The following RNF19A variants were observed in gnomAD, a reference collection of about 807,000 sequenced individuals.
RNF19A encodes the protein ring finger protein 19A, RBR E3 ubiquitin protein ligase.
RNF19A carries 32 observed loss-of-function variants against 75.7 expected under a neutral mutation model. The ratio of observed to expected loss-of-function variants is 0.42; its 90% CI spans 0.32 to 0.57. The LOEUF is 0.57. Ranked by LOEUF, RNF19A falls within the 20% of genes least tolerant of loss-of-function variation. The probability of loss-of-function intolerance (pLI) is 0.10; values close to 1 mark genes in which losing one functional copy is unlikely to be tolerated. For missense variants in RNF19A, 782 were observed against 1,036.3 expected (o/e 0.75, Z 3.37); for synonymous variants, 335 against 345.2 (o/e 0.97, Z 0.33).
intron 5 of RNF19A, among the ~76,000 whole-genome samples, chr8:100,266,386 G>A (rs1194219728): frequency 6.6e-6 from 1 of 152,116 alleles, no homozygotes; most frequent in Non-Finnish European, 1.5e-5. Flanking sequence ...TGATTTATAG[G>A]TACATGTGGT....
At chr8:100,270,050 A>T in intron 3 of RNF19A, 37 bp from the exon 4 acceptor site, 1 of 1,462,986 alleles carries the variant, frequency 6.8e-7, no homozygotes, top group Non-Finnish European at 9.1e-7. Context: ...AAGTACATAA[A>T]ACTGGTCTAA....
chr8:100,272,241 A>C (rs972205736), intron 3 of RNF19A, among the ~76,000 whole-genome samples: 1 of 152,162 alleles, frequency 6.6e-6, no homozygotes, highest in Non-Finnish European at 1.5e-5. Context: ...AAAGAGCCTC[A>C]AGTGGATGCA....
At chr8:100,270,372 G>C (rs990590122) in intron 3 of RNF19A, among the ~76,000 whole-genome samples, 8 of 152,004 alleles carry the variant, frequency 5.3e-5, no homozygotes, top group Non-Finnish European at 1.0e-4. Flanking sequence ...GTAGTTCCCG[G>C]TTCCAGAACT....
At position 100,269,130 on chromosome 8, in the gene RNF19A, G is replaced by A. The variant is rs1820134720; in HGVS notation, c.1029-183C>T. 6.7e-6 allele frequency among the ~76,000 whole-genome samples: 1 copy of A among 150,374 alleles called. No individual in the cohort carries two copies. The highest frequency in any genetic ancestry group is 2.4e-5 in the African/African-American group (1 of 41,118). ...CTATAAATTATATTAACAAGATATT[G>A]ATATATCTTATTTTATATTATATTT... is the stretch of plus-strand genomic sequence containing the variant. On this transcript the variant is annotated intron_variant, in intron 4 of 9. Coordinates refer to ENST00000341084, the MANE Select transcript of RNF19A (RefSeq NM_183419.4). This position sits in a 1 kb window ranked among gnomAD's most constrained non-coding sequence, Gnocchi z 5.7.
chr8:100,293,318 T>A (rs557094474), intron 1 of RNF19A, among the ~76,000 whole-genome samples: 1 of 152,192 alleles, frequency 6.6e-6, no homozygotes, highest in African/African-American at 2.4e-5. Context: ...TCAACTTTTA[T>A]CTGGGGAAAA....
intron 2 of RNF19A, among the ~76,000 whole-genome samples, chr8:100,276,071 T>C (rs928072857): frequency 2.6e-5 from 4 of 152,208 alleles, no homozygotes; most frequent in African/African-American, 9.7e-5. Context: ...TTTAAAAACT[T>C]ATGACTTAAC....
rs1383247296 is a variant in RNF19A, at chr8:100,317,552, C to A, written c.-242-4180G>T. ...TCCCCAAAGGTCTTCTTGATGGATT[C>A]TCAGGCGACTGTTCCCATTTGCCTA... On this transcript the variant is annotated intron_variant, in intron 1 of 3. Coordinates refer to the RNF19A transcript ENST00000519527. The surrounding 1 kb of genome is among the most constrained non-coding windows in gnomAD (Gnocchi z 4.3). Among the ~76,000 whole-genome samples, 1 of 152,202 alleles carries A rather than the reference C, an allele frequency of 6.6e-6. No individual in the cohort carries two copies. Among genetic ancestry groups the A allele is most frequent in the African/African-American group, 2.4e-5 (1 of 41,444 alleles).
At chr8:100,263,144 G>A (rs1241871596) in intron 7 of RNF19A, among the ~76,000 whole-genome samples, 1 of 152,106 alleles carries the variant, frequency 6.6e-6, no homozygotes, top group Admixed American at 6.5e-5. Flanking sequence ...TGAGATTAGG[G>A]GAAAAGTGTA....
Position 100,324,755 on chromosome 8 carries a change from T to C in RNF19A, c.-243+11353A>G, listed in dbSNP as rs1183660705. On this transcript the variant is annotated intron_variant, in intron 1 of 3. Transcript: ENST00000519527. This position sits in a 1 kb window ranked among gnomAD's most constrained non-coding sequence, Gnocchi z 4.2. ...GACAAGACATTTTAACAAGAGATGA[T>C]AGGAAAATTGATTAAAGGCATTGAT... 6.6e-6 allele frequency among the ~76,000 whole-genome samples: 1 copy of C among 152,194 alleles called. No homozygotes were observed. Among genetic ancestry groups the C allele is most frequent in the Non-Finnish European group, 1.5e-5 (1 of 68,036 alleles).
At chr8:100,263,999 T>A in intron 7 of RNF19A, 35 bp downstream of exon 7, 3 of 1,589,002 alleles carry the variant, frequency 1.9e-6, no homozygotes, top group Non-Finnish European at 2.6e-6. Context: ...ACACTGTTAA[T>A]AAGCACATTT....
At chr8:100,286,719 G>A (rs1028108842) in intron 2 of RNF19A, among the ~76,000 whole-genome samples, 2 of 152,040 alleles carry the variant, frequency 1.3e-5, no homozygotes, top group East Asian at 3.8e-4. Context: ...GAAGTTCTAG[G>A]TTTCCCCAAA....
chr8:100,266,051 C>A (rs1051158198), intron 5 of RNF19A, among the ~76,000 whole-genome samples: 1 of 152,234 alleles, frequency 6.6e-6, no homozygotes, highest in African/African-American at 2.4e-5. Flanking sequence ...AAGGAGTCTT[C>A]TAGAAAATTT....
At chr8:100,268,525 C>T (rs1302554615) in intron 5 of RNF19A, 1 of 274,262 alleles carries the variant, frequency 3.6e-6, no homozygotes, top group Non-Finnish European at 6.7e-6. Flanking sequence ...ATATTTTATA[C>T]TCAAAGTTTT....
At chr8:100,309,492 G>T in intron 1 of RNF19A, 1 of 985,552 alleles carries the variant, frequency 1.0e-6, no homozygotes, top group African/African-American at 1.7e-5. Context: ...AGGGGCAGGA[G>T]ACAGCTCGAG....
At chr8:100,282,614 C>A (rs1279495693) in intron 2 of RNF19A, among the ~76,000 whole-genome samples, 2 of 151,814 alleles carry the variant, frequency 1.3e-5, no homozygotes, top group East Asian at 3.9e-4. Context: ...CTCTTTATAC[C>A]CTAAATCTGT....
intron 5 of RNF19A, among the ~76,000 whole-genome samples, chr8:100,265,279 TA>T (rs1053345349): frequency 9.2e-5 from 14 of 152,214 alleles, no homozygotes; most frequent in African/African-American, 2.7e-4. Flanking sequence ...TAAACAGTAT[TA>T]TTTTTTTCTC....
In RNF19A at chr8:100,259,589, C is replaced by G. The variant is rs1195272191; in HGVS notation, c.1826+265G>C. Among the ~76,000 whole-genome samples, 1 of 152,092 alleles carries G rather than the reference C, an allele frequency of 6.6e-6. No individual in the cohort carries two copies. Among genetic ancestry groups the G allele is most frequent in the Non-Finnish European group, 1.5e-5 (1 of 68,000 alleles). On this transcript the variant is annotated intron_variant, in intron 9 of 9. Transcript: ENST00000341084. The surrounding 1 kb of genome is among the most constrained non-coding windows in gnomAD (Gnocchi z 4.5). The stretch of plus-strand genomic sequence containing the variant: ...AGAGCTGTGCAACCATCACCACTAC[C>G]TAACTTCAGAACATTTTCATGATCC...
chr8:100,308,165 A>C (rs1219968270), intron 1 of RNF19A, among the ~76,000 whole-genome samples: 1 of 152,218 alleles, frequency 6.6e-6, no homozygotes, highest in Non-Finnish European at 1.5e-5. Context: ...TGAAAAAAAT[A>C]CACTAACATT....
At chr8:100,279,332 TACC>T (rs1210963086) in intron 2 of RNF19A, among the ~76,000 whole-genome samples, 2 of 152,134 alleles carry the variant, frequency 1.3e-5, no homozygotes, top group Non-Finnish European at 2.9e-5. Flanking sequence ...AATCCTGCAT[TACC>T]ACGTCAAACA....
Sources: gnomAD v4.1 joint callset for allele counts (sites outside exome capture counted in the v4.1 genomes callset) on GRCh38, gnomAD v4.1.1 for gene constraint, Gnocchi (gnomAD v3.1) non-coding constraint, MANE v1.5 for transcripts, NCBI Gene and HGNC (gene_info 2026-07-23, HGNC 2026-07-21) for gene names.